Variants in SWAP70 observed in about 807,000 individuals in gnomAD.
SWAP70 encodes switching B cell complex subunit SWAP70.
In SWAP70, 34 loss-of-function variants were observed where a neutral mutation model predicts 80.2. That is an observed-to-expected ratio of 0.42 (90% CI 0.32 to 0.56). The LOEUF is 0.56. Among genes scored for constraint, SWAP70 ranks in the 20% least tolerant of loss-of-function variants. The pLI is 0.09. For missense variants in SWAP70, 578 were observed against 690.7 expected (o/e 0.84, Z 1.83); for synonymous variants, 239 against 238.5 (o/e 1.00, Z -0.02).
rs1239372357 is a variant in SWAP70, at chr11:9,752,223, A to G, written c.*2253A>G. Reference sequence around the variant, plus strand: ...TGAAATAGGTCCTGCACTTTTGCAGAATGTCCTTCTTTAAACCTGGCTTAT... The same window carrying G: ...TGAAATAGGTCCTGCACTTTTGCAGGATGTCCTTCTTTAAACCTGGCTTAT... On this transcript the variant is annotated 3_prime_UTR_variant, in exon 12 of 12. Transcript: ENST00000318950. 1 of 152,228 alleles carries G rather than the reference A, an allele frequency of 6.6e-6. No homozygotes were observed. Among genetic ancestry groups the G allele is most frequent in the Non-Finnish European group, 1.5e-5 (1 of 68,042 alleles). 9.4% of individuals were successfully genotyped at this position (152,228 alleles called of 1,614,324 possible). A position where few individuals can be genotyped will look rare whatever the true frequency, so the allele number is the denominator to read the frequency against.
chr11:9,745,959 C>T (rs1017788416), intron 9 of SWAP70, among the ~76,000 whole-genome samples: 1 of 152,204 alleles, frequency 6.6e-6, no homozygotes, highest in Non-Finnish European at 1.5e-5. Flanking sequence ...TGAGCAGCCC[C>T]AACTACAGCC....
Position 9,664,201 on chromosome 11 carries a change from C to T in SWAP70, c.22C>T (p.Leu8=), listed in dbSNP as rs541461778. Residue 8 remains leucine (L), a synonymous_variant, in exon 1 of 12, where the codon CTG becomes TTG. Coordinates refer to ENST00000318950, the MANE Select transcript of SWAP70 (RefSeq NM_015055.4). Reference sequence around the variant, plus strand: ...GGCCATGGGGAGCTTGAAGGAGGAGCTGCTCAAAGCCATCTGGCACGCCTT... The same window carrying T: ...GGCCATGGGGAGCTTGAAGGAGGAGTTGCTCAAAGCCATCTGGCACGCCTT... MGSLKEE[L]LKAIWHAFTA... The T allele has an allele frequency of 4.4e-6, 7 of 1,588,014 alleles. No homozygotes were observed. In the African/African-American group the frequency reaches 5.4e-5, roughly 12 times the overall value.
At chr11:9,740,939 G>A (rs1480537984) in intron 9 of SWAP70, 2 of 155,308 alleles carry the variant, frequency 1.3e-5, no homozygotes, top group East Asian at 1.9e-4. Context: ...CATGGCAGCA[G>A]GGAGGACAAA....
intron 1 of SWAP70, among the ~76,000 whole-genome samples, chr11:9,665,746 A>G (rs1283865265): frequency 6.6e-6 from 1 of 152,198 alleles, no homozygotes; most frequent in Non-Finnish European, 1.5e-5. Context: ...TATTGCATGG[A>G]TGTATGGTAG....
In SWAP70 at chr11:9,695,317, A is replaced by C. The variant is rs1005007884; in HGVS notation, c.240+1031A>C. On this transcript the variant is annotated intron_variant, in intron 2 of 11. Transcript: ENST00000318950. ...GTCAGAAAAAAAAAAAAATACGTGC[A>C]CACGTATGTTTATTGCAGCACTATT... Among the ~76,000 whole-genome samples, 7 of 152,008 alleles carry C rather than the reference A, an allele frequency of 4.6e-5. No individual in the cohort carries two copies. The East Asian group carries it at 1.4e-3, about 29-fold the overall frequency.
intron 9 of SWAP70, among the ~76,000 whole-genome samples, chr11:9,742,302 A>G (rs1351142134): frequency 6.6e-6 from 1 of 151,534 alleles, no homozygotes; most frequent in African/African-American, 2.4e-5. Flanking sequence ...TTTTTCTCTT[A>G]GTTTTTGGAA....
intron 1 of SWAP70, among the ~76,000 whole-genome samples, chr11:9,668,977 C>G (rs1055407540): frequency 6.6e-6 from 1 of 152,126 alleles, no homozygotes; most frequent in Non-Finnish European, 1.5e-5. Flanking sequence ...AAGGCACACT[C>G]TCTCTCTCCA....
intron 7 of SWAP70, among the ~76,000 whole-genome samples, chr11:9,737,682 G>A (rs931627911): frequency 6.6e-6 from 1 of 152,100 alleles, no homozygotes; most frequent in African/African-American, 2.4e-5. Flanking sequence ...CGGATCACGA[G>A]GTCAAGAGAT....
chr11:9,667,381 G>A (rs1445648797), intron 1 of SWAP70, among the ~76,000 whole-genome samples: 1 of 151,890 alleles, frequency 6.6e-6, no homozygotes, highest in Non-Finnish European at 1.5e-5. Flanking sequence ...CTCCCAAGTA[G>A]CTAGGCTCAC....
intron 9 of SWAP70, among the ~76,000 whole-genome samples, chr11:9,743,542 C>T (rs916336472): frequency 6.6e-6 from 1 of 151,456 alleles, no homozygotes; most frequent in Non-Finnish European, 1.5e-5. Flanking sequence ...CCTATTTCTC[C>T]ACATCCTCTC....
chr11:9,665,034 A>T (rs982355283), intron 1 of SWAP70, among the ~76,000 whole-genome samples: 2 of 152,150 alleles, frequency 1.3e-5, no homozygotes, highest in Non-Finnish European at 2.9e-5. Flanking sequence ...AAATAAAGGG[A>T]TGCTTGTAAA....
At chr11:9,672,004 AAATATATATTTTAAT>A (rs1259776832) in intron 1 of SWAP70, among the ~76,000 whole-genome samples, 73 of 117,022 alleles carry the variant, frequency 6.2e-4, no homozygotes, top group South Asian at 5.1e-3. Flanking sequence ...ATAATATATA[AAATATATATTTTAAT>A]AATATATATT....
chr11:9,713,703 T>G (rs1329361044), intron 3 of SWAP70, 64 bp downstream of exon 3: 4 of 1,521,250 alleles, frequency 2.6e-6, no homozygotes, highest in Non-Finnish European at 3.5e-6. Flanking sequence ...TGGCTTGGTA[T>G]TTTTTCTGTT....
Position 9,707,686 on chromosome 11 carries a change from G to A in SWAP70, c.241-5780G>A, listed in dbSNP as rs1385053600. ...CTCTCCTGCCTCAGCCTCCTTAGTA[G>A]CTGGGATTACAGGTGCCTGCCACCA... On this transcript the variant is annotated intron_variant, in intron 2 of 11. Transcript: ENST00000318950. Among the ~76,000 whole-genome samples, 3 of 151,200 alleles carry A rather than the reference G, an allele frequency of 2.0e-5. No individual in the cohort carries two copies. The South Asian group carries it at 6.3e-4, about 32-fold the overall frequency.
At chr11:9,735,492 G>A (rs1249852675) in intron 7 of SWAP70, among the ~76,000 whole-genome samples, 1 of 152,124 alleles carries the variant, frequency 6.6e-6, no homozygotes, top group Non-Finnish European at 1.5e-5. Flanking sequence ...TTGTATATGT[G>A]TTCATACATG....
rs576791337 is a variant in SWAP70, at chr11:9,676,587, G to A, written c.99+12309G>A. On this transcript the variant is annotated intron_variant, in intron 1 of 11. Coordinates refer to ENST00000318950, the MANE Select transcript of SWAP70 (RefSeq NM_015055.4). ...TAAATGCTGTGTAAATAGTTGTTAA[G>A]TTACATTGTTTAAGGAATAATGACA... is the stretch of plus-strand genomic sequence containing the variant. Among the ~76,000 whole-genome samples the A allele has an allele frequency of 6.6e-5, 10 of 150,818 alleles. No individual in the cohort carries two copies. In the South Asian group the frequency reaches 1.7e-3, roughly 25 times the overall value.
In SWAP70 at chr11:9,740,159, C is replaced by T. The variant is rs527854700; in HGVS notation, c.1189-22C>T. On this transcript the variant is annotated intron_variant, in intron 8 of 11. Transcript: ENST00000318950. ...AGAAAGAAGTCAACCTGCATTTAAA[C>T]AAGACCCTTTTATACCAACAGATCA... The T allele has an allele frequency of 2.5e-6, 4 of 1,607,688 alleles. No homozygotes were observed. In the South Asian group the frequency reaches 3.3e-5, roughly 13 times the overall value.
At chr11:9,691,885 T>G (rs562242149) in intron 1 of SWAP70, among the ~76,000 whole-genome samples, 1 of 152,292 alleles carries the variant, frequency 6.6e-6, no homozygotes, top group Non-Finnish European at 1.5e-5. Flanking sequence ...CCTGAAGGCT[T>G]TGGATTAATC....
intron 1 of SWAP70, among the ~76,000 whole-genome samples, chr11:9,675,274 G>C: frequency 6.6e-6 from 1 of 151,070 alleles, no homozygotes; most frequent in Non-Finnish European, 1.5e-5. Flanking sequence ...GAAACAGAGT[G>C]AGACCCTGTA....
Sources: gnomAD v4.1 joint callset for allele counts (sites outside exome capture counted in the v4.1 genomes callset) on GRCh38, gnomAD v4.1.1 for gene constraint, MANE v1.5 for transcripts, NCBI Gene and HGNC (gene_info 2026-07-23, HGNC 2026-07-21) for gene names.